Variants in RARB observed in about 807,000 individuals in gnomAD.
RARB encodes the protein retinoic acid receptor beta.
A neutral mutation model predicts 51.9 loss-of-function variants in RARB; 17 were observed. That is an observed-to-expected ratio of 0.33 (90% CI 0.22 to 0.49). The LOEUF (loss-of-function observed/expected upper bound fraction) is 0.49. Ranked by LOEUF, RARB falls within the 20% of genes least tolerant of loss-of-function variation. The pLI, the probability that RARB is intolerant of heterozygous loss-of-function variation, is 0.99. For missense variants in RARB, 369 were observed against 550.8 expected (o/e 0.67, Z 3.30); for synonymous variants, 215 against 195.4 (o/e 1.10, Z -0.84).
upstream of RARB, among the ~76,000 whole-genome samples, chr3:25,424,227 C>A (rs79241514): frequency 5.4e-4 from 82 of 152,328 alleles, no homozygotes; most frequent in African/African-American, 1.9e-3. Flanking sequence ...CCCAGAGCCA[C>A]CTTGCAAGTT....
intron 2 of RARB, among the ~76,000 whole-genome samples, chr3:24,896,534 C>T (rs1487178410): frequency 1.3e-5 from 2 of 152,172 alleles, no homozygotes; most frequent in African/African-American, 4.8e-5. Flanking sequence ...GCTGGGATTA[C>T]AGGTGCCAGC....
intron 2 of RARB, among the ~76,000 whole-genome samples, chr3:25,015,160 A>G (rs1327537169): frequency 6.6e-6 from 1 of 152,182 alleles, no homozygotes; most frequent in African/African-American, 2.4e-5. Flanking sequence ...GAGGTTCTGT[A>G]GCAAAACCTA....
chr3:25,436,641 T>A (rs1708447952), intron 1 of RARB, among the ~76,000 whole-genome samples: 1 of 152,234 alleles, frequency 6.6e-6, no homozygotes, highest in Non-Finnish European at 1.5e-5. Context: ...TCTCTCTGCT[T>A]CTCGGGCAAG....
intron 1 of RARB, among the ~76,000 whole-genome samples, chr3:25,459,276 A>G (rs1695053368): frequency 6.6e-6 from 1 of 152,244 alleles, no homozygotes; most frequent in African/African-American, 2.4e-5. Context: ...GAGAATATCT[A>G]GAAAGGACAA....
At chr3:25,077,259 T>C (rs937120728) in intron 3 of RARB, among the ~76,000 whole-genome samples, 3 of 152,202 alleles carry the variant, frequency 2.0e-5, no homozygotes, top group Non-Finnish European at 2.9e-5. Flanking sequence ...ATCTTACATA[T>C]AGAGTTTAAG....
intron 5 of RARB, among the ~76,000 whole-genome samples, chr3:25,376,778 G>A (rs1405096157): frequency 6.6e-6 from 1 of 152,178 alleles, no homozygotes; most frequent in African/African-American, 2.4e-5. Flanking sequence ...CACCCCTGGT[G>A]GAAGCAGTTC....
chr3:25,225,186 G>T (rs1010149459), intron 5 of RARB, among the ~76,000 whole-genome samples: 2 of 152,024 alleles, frequency 1.3e-5, no homozygotes, highest in African/African-American at 4.8e-5. Flanking sequence ...TACATGTTTA[G>T]GTGCTCTATA....
intron 3 of RARB, among the ~76,000 whole-genome samples, chr3:25,126,819 T>C (rs946530235): frequency 2.0e-5 from 3 of 152,208 alleles, no homozygotes; most frequent in African/African-American, 7.2e-5. Context: ...GTCTCTCACT[T>C]GAATTACTCA....
chr3:25,080,891 T>C (rs1047972794), intron 3 of RARB, among the ~76,000 whole-genome samples: 1 of 152,154 alleles, frequency 6.6e-6, no homozygotes, highest in African/African-American at 2.4e-5. Flanking sequence ...AAATCCAATA[T>C]ACCTATTTTT....
intron 5 of RARB, among the ~76,000 whole-genome samples, chr3:25,218,018 A>G (rs2125382839): frequency 6.6e-6 from 1 of 152,258 alleles, no homozygotes; most frequent in African/African-American, 2.4e-5. Flanking sequence ...GTTTTCATCT[A>G]CAGGAAGTTT....
intron 3 of RARB, among the ~76,000 whole-genome samples, chr3:25,116,284 C>T (rs1699685803): frequency 6.6e-6 from 1 of 152,152 alleles, no homozygotes; most frequent in African/African-American, 2.4e-5. Flanking sequence ...TTTCGAAATG[C>T]TCTATAAGCA....
intron 3 of RARB, among the ~76,000 whole-genome samples, chr3:25,527,222 C>A (rs1153597): frequency 1.3e-5 from 2 of 151,970 alleles, no homozygotes; most frequent in Non-Finnish European, 2.9e-5. Context: ...TTGAGCAGCA[C>A]GGGCTTAGAG....
At chr3:25,144,903 T>C (rs1700163758) in intron 4 of RARB, among the ~76,000 whole-genome samples, 1 of 152,216 alleles carries the variant, frequency 6.6e-6, no homozygotes, top group Admixed American at 6.5e-5. Context: ...CCACCTTTAA[T>C]TTACCTTGTC....
intron 5 of RARB, among the ~76,000 whole-genome samples, chr3:25,220,212 A>G (rs1026189478): frequency 2.1e-4 from 32 of 152,156 alleles, no homozygotes; most frequent in African/African-American, 7.2e-4. Flanking sequence ...ACATTTCCCT[A>G]ACTGTATGGT....
chr3:25,570,602 G>A (rs981515832), intron 4 of RARB, among the ~76,000 whole-genome samples: 1 of 152,206 alleles, frequency 6.6e-6, no homozygotes, highest in Non-Finnish European at 1.5e-5. Flanking sequence ...AGATAAAAAG[G>A]TAGGAGGTGT....
chr3:25,151,714 A>G (rs1277100652), intron 4 of RARB, among the ~76,000 whole-genome samples: 1 of 152,186 alleles, frequency 6.6e-6, no homozygotes, highest in African/African-American at 2.4e-5. Context: ...ATATGGACCA[A>G]TCGGATGGGC....
At chr3:25,235,760 G>A (rs1485556742) in intron 5 of RARB, among the ~76,000 whole-genome samples, 1 of 152,136 alleles carries the variant, frequency 6.6e-6, no homozygotes, top group Non-Finnish European at 1.5e-5. Flanking sequence ...GAAAGGCTTT[G>A]CTATAAAACC....
intron 3 of RARB, among the ~76,000 whole-genome samples, chr3:25,096,540 G>T (rs772991450): frequency 2.6e-5 from 4 of 152,062 alleles, no homozygotes; most frequent in Non-Finnish European, 5.9e-5. Context: ...GTATCATTTT[G>T]TGTCCAATAA....
At chr3:25,543,529 C>T (rs1247687419) in intron 3 of RARB, among the ~76,000 whole-genome samples, 1 of 152,116 alleles carries the variant, frequency 6.6e-6, no homozygotes. Context: ...TCCACTCATT[C>T]TGGGTGGTTG....
Sources: allele counts gnomAD v4.1 joint callset (sites outside exome capture counted in the v4.1 genomes callset), GRCh38; gene constraint gnomAD v4.1.1; transcripts MANE v1.5; gene names NCBI Gene and HGNC (gene_info 2026-07-23, HGNC 2026-07-21).